TNIK: variants seen among roughly 807,000 people sequenced by gnomAD.
The protein encoded by TNIK is TRAF2 and NCK interacting kinase, also known as TRAF2 and NCK-interacting protein kinase.
TNIK carries 49 observed loss-of-function variants against 191.3 expected under a neutral mutation model. The ratio of observed to expected loss-of-function variants is 0.26; its 90% CI spans 0.20 to 0.32. TNIK has a LOEUF of 0.32. TNIK is among the 10% of genes least tolerant of loss of function. TNIK has a pLI of 1.00. For synonymous variants in TNIK, 594 were observed against 600.9 expected, an observed-to-expected ratio of 0.99 and a Z score of 0.17; for missense variants, 1,155 against 1,702.3, an observed-to-expected ratio of 0.68 and a Z score of 5.66.
chr3:171,442,732 T>G (rs1000744690), intron 1 of TNIK, among the ~76,000 whole-genome samples: 3 of 152,088 alleles, frequency 2.0e-5, no homozygotes, highest in Non-Finnish European at 2.9e-5. Flanking sequence ...GCTGGTCAGG[T>G]TCCAGCAGAT....
chr3:171,237,895 T>G (rs1027470164), intron 2 of TNIK, among the ~76,000 whole-genome samples: 1 of 152,132 alleles, frequency 6.6e-6, no homozygotes, highest in Non-Finnish European at 1.5e-5. Flanking sequence ...CCTTTTAAAC[T>G]TAAACTAGAT....
intron 2 of TNIK, among the ~76,000 whole-genome samples, chr3:171,344,259 T>C (rs1349731322): frequency 6.6e-6 from 1 of 152,140 alleles, no homozygotes; most frequent in Non-Finnish European, 1.5e-5. Context: ...GGTTACCTCT[T>C]CCCAAAGGAC....
intron 2 of TNIK, among the ~76,000 whole-genome samples, chr3:171,235,840 A>G (rs376909466): frequency 6.6e-6 from 1 of 152,106 alleles, no homozygotes; most frequent in Admixed American, 6.5e-5. Flanking sequence ...GTATTTTTAC[A>G]TACATGAACT....
At chr3:171,123,935 C>A (rs1728129020) in intron 17 of TNIK, among the ~76,000 whole-genome samples, 1 of 152,154 alleles carries the variant, frequency 6.6e-6, no homozygotes, top group Non-Finnish European at 1.5e-5. Context: ...GAGGGTCATC[C>A]TCAATCTTAA....
intron 3 of TNIK, among the ~76,000 whole-genome samples, chr3:171,220,797 G>A (rs1742210834): frequency 2.6e-5 from 4 of 152,142 alleles, no homozygotes; most frequent in South Asian, 2.1e-4. Flanking sequence ...CTATTATGAT[G>A]TAAAAAATAT....
At chr3:171,306,468 CA>C (rs2108286814) in intron 2 of TNIK, among the ~76,000 whole-genome samples, 2 of 152,206 alleles carry the variant, frequency 1.3e-5, no homozygotes, top group Admixed American at 1.3e-4. Context: ...GTGGGGAGTA[CA>C]AAATTACATT....
intron 3 of TNIK, among the ~76,000 whole-genome samples, chr3:171,221,086 A>G (rs1742262283): frequency 6.6e-6 from 1 of 152,174 alleles, no homozygotes; most frequent in African/African-American, 2.4e-5. Flanking sequence ...GAAGCTTTCC[A>G]AGTTCTACAT....
chr3:171,143,324 A>T (rs561077256), intron 12 of TNIK, among the ~76,000 whole-genome samples: 30 of 151,956 alleles, frequency 2.0e-4, no homozygotes, highest in Non-Finnish European at 4.4e-4. Context: ...GAGGGGATAT[A>T]AAAAAAACAT....
At chr3:171,115,009 AATT>A (rs1255228562) in intron 18 of TNIK, among the ~76,000 whole-genome samples, 1 of 152,230 alleles carries the variant, frequency 6.6e-6, no homozygotes, top group East Asian at 1.9e-4. Context: ...AGTGGTCAAA[AATT>A]ATTATGCATA....
chr3:171,233,289 T>C (rs1360559037), intron 2 of TNIK, among the ~76,000 whole-genome samples: 1 of 149,504 alleles, frequency 6.7e-6, no homozygotes, highest in African/African-American at 2.6e-5. Flanking sequence ...CCACTGATCA[T>C]AACCAGCACT....
chr3:171,455,516 C>T (rs1728693973), intron 1 of TNIK, among the ~76,000 whole-genome samples: 1 of 151,744 alleles, frequency 6.6e-6, no homozygotes, highest in African/African-American at 2.4e-5. Context: ...GCTGGGATTA[C>T]AGGTGTGAGC....
chr3:171,328,701 G>C (rs1188961195), intron 2 of TNIK, among the ~76,000 whole-genome samples: 1 of 152,166 alleles, frequency 6.6e-6, no homozygotes, highest in Non-Finnish European at 1.5e-5. Context: ...AAAATGATTT[G>C]AGATTTATTG....
At chr3:171,239,872 C>G (rs1412955520) in intron 2 of TNIK, among the ~76,000 whole-genome samples, 1 of 152,034 alleles carries the variant, frequency 6.6e-6, no homozygotes, top group African/African-American at 2.4e-5. Context: ...AACCTGTACT[C>G]TCCCATCAGG....
At chr3:171,210,989 C>T (rs1445091513) in intron 4 of TNIK, 127 bp downstream of exon 4, 18 of 1,181,310 alleles carry the variant, frequency 1.5e-5, no homozygotes, top group Non-Finnish European at 1.9e-5. Context: ...CAATATGTTA[C>T]GGACATCATG....
rs796688088 is a variant in TNIK, at chr3:171,378,496, A to G, written c.58-8811T>C. Among the ~76,000 whole-genome samples, 23 of 152,348 alleles carry G rather than the reference A, an allele frequency of 1.5e-4. 1 individual carries two copies. The highest frequency in any genetic ancestry group is 5.5e-4 in the African/African-American group (23 of 41,582). ...TCTAGCATATTGTAAGTGCTTAAAA[A>G]GTGTTCGCTAAAAATTCTTTACTCA... is the stretch of plus-strand genomic sequence containing the variant. On this transcript the variant is annotated intron_variant, in intron 1 of 32. Transcript: ENST00000436636.
chr3:171,168,403 C>A (rs559745220), intron 9 of TNIK, among the ~76,000 whole-genome samples: 5 of 152,240 alleles, frequency 3.3e-5, no homozygotes, highest in African/African-American at 1.2e-4. Flanking sequence ...CCCGGCAGTC[C>A]CTGCATACAT....
At chr3:171,133,410 T>A (rs935011796) in intron 15 of TNIK, among the ~76,000 whole-genome samples, 4 of 152,234 alleles carry the variant, frequency 2.6e-5, no homozygotes, top group African/African-American at 7.2e-5. Context: ...TTGTTCCTCA[T>A]GAGCTACAAC....
At chr3:171,444,332 A>C (rs916908115) in intron 1 of TNIK, among the ~76,000 whole-genome samples, 2 of 152,200 alleles carry the variant, frequency 1.3e-5, no homozygotes, top group Admixed American at 6.5e-5. Flanking sequence ...CCAAATATAC[A>C]TTCCATTTCC....
At chr3:171,139,378 GCACACACACACACA>G (rs34521732) in intron 14 of TNIK, 78 bp downstream of exon 14, 647 of 692,970 alleles carry the variant, frequency 9.3e-4, no homozygotes, top group Admixed American at 3.3e-3. Context: ...ACGCACGCGC[GCACACACACACACA>G]CACACACACA....
Sources: allele counts gnomAD v4.1 joint callset (sites outside exome capture counted in the v4.1 genomes callset), GRCh38; gene constraint gnomAD v4.1.1; transcripts MANE v1.5; gene names NCBI Gene and HGNC (gene_info 2026-07-23, HGNC 2026-07-21).